Variants in DLG2 observed in about 807,000 individuals in gnomAD.
DLG2 encodes the protein disks large homolog 2.
Under a neutral mutation model 132.5 loss-of-function variants are expected in DLG2, and 45 were observed. That is an observed-to-expected ratio of 0.34 (90% CI 0.27 to 0.44). The LOEUF is 0.44. Among genes scored for constraint, DLG2 ranks in the 20% least tolerant of loss-of-function variants. The pLI, the probability that DLG2 is intolerant of heterozygous loss-of-function variation, is 1.00. For missense variants in DLG2, 1,045 were observed against 1,196.9 expected (o/e 0.87, Z 1.87); for synonymous variants, 424 against 419.6 (o/e 1.01, Z -0.13).
At chr11:83,724,358 C>T (rs1017137281) in intron 18 of DLG2, among the ~76,000 whole-genome samples, 1 of 152,132 alleles carries the variant, frequency 6.6e-6, no homozygotes, top group African/African-American at 2.4e-5. Context: ...GACTTGCATA[C>T]ATTAAATGTC....
chr11:85,104,124 G>T (rs2071315833), intron 6 of DLG2, among the ~76,000 whole-genome samples: 1 of 151,840 alleles, frequency 6.6e-6, no homozygotes, highest in Admixed American at 6.6e-5. Context: ...ATGTAAAATG[G>T]TGCAAATGTT....
intron 17 of DLG2, among the ~76,000 whole-genome samples, chr11:83,793,559 T>C (rs1024823800): frequency 2.6e-5 from 4 of 152,156 alleles, no homozygotes; most frequent in Non-Finnish European, 5.9e-5. Flanking sequence ...TTTTTTTCAG[T>C]GCATTAAGAA....
intron 4 of DLG2, among the ~76,000 whole-genome samples, chr11:85,231,853 C>T (rs114240529): frequency 7.8e-4 from 119 of 151,998 alleles, no homozygotes; most frequent in African/African-American, 2.7e-3. Flanking sequence ...AAAATTCCAA[C>T]GTTACCCAGA....
At chr11:83,630,964 A>C (rs1177209505) in intron 19 of DLG2, among the ~76,000 whole-genome samples, 1 of 152,172 alleles carries the variant, frequency 6.6e-6, no homozygotes, top group Non-Finnish European at 1.5e-5. Context: ...TAATCAGAGA[A>C]ACCCTGCTAG....
chr11:83,960,614 T>C (rs1799875782), intron 14 of DLG2, among the ~76,000 whole-genome samples: 1 of 150,948 alleles, frequency 6.6e-6, no homozygotes, highest in Admixed American at 6.6e-5. Flanking sequence ...GAACAGGCAT[T>C]GGGGAATCCA....
At chr11:83,874,027 T>A (rs1419653908) in intron 16 of DLG2, among the ~76,000 whole-genome samples, 2 of 152,054 alleles carry the variant, frequency 1.3e-5, no homozygotes, top group South Asian at 2.1e-4. Context: ...TTAAATCTAG[T>A]ACCTAGCACA....
intron 6 of DLG2, among the ~76,000 whole-genome samples, chr11:85,060,295 CTAAGTA>C (rs907624619): frequency 3.3e-5 from 5 of 150,568 alleles, no homozygotes; most frequent in African/African-American, 9.7e-5. Flanking sequence ...TTTTTAAAGG[CTAAGTA>C]TATGTATATA....
intron 6 of DLG2, among the ~76,000 whole-genome samples, chr11:84,974,262 T>G (rs1033006807): frequency 2.0e-5 from 3 of 152,216 alleles, no homozygotes; most frequent in Non-Finnish European, 2.9e-5. Context: ...GTTGTTGATC[T>G]TTTCCAGAGG....
chr11:83,461,223 C>T (rs931742876), intron 27 of DLG2, among the ~76,000 whole-genome samples: 8 of 151,866 alleles, frequency 5.3e-5, no homozygotes, highest in Non-Finnish European at 1.5e-5. Flanking sequence ...GTTGGCCAGG[C>T]TGGTCTCGAA....
intron 7 of DLG2, among the ~76,000 whole-genome samples, chr11:84,389,355 T>TTATATG (rs2098783713): frequency 6.6e-6 from 1 of 152,098 alleles, no homozygotes; most frequent in African/African-American, 2.4e-5. Flanking sequence ...CTTCTGTTCT[T>TTATATG]CAGTTAAAAC....
intron 6 of DLG2, among the ~76,000 whole-genome samples, chr11:84,721,979 TA>T (rs1253986550): frequency 6.6e-6 from 1 of 152,216 alleles, no homozygotes; most frequent in Non-Finnish European, 1.5e-5. Context: ...TTATTTGACA[TA>T]TTTTTTTTCT....
At chr11:85,564,254 T>G (rs975638025) in intron 3 of DLG2, among the ~76,000 whole-genome samples, 1 of 152,052 alleles carries the variant, frequency 6.6e-6, no homozygotes, top group East Asian at 1.9e-4. Context: ...GCAGAAGTTT[T>G]TAACTTTGAT....
chr11:85,200,024 CACAACA>C (rs141052604), intron 4 of DLG2, among the ~76,000 whole-genome samples: 1 of 151,744 alleles, frequency 6.6e-6, no homozygotes, highest in Non-Finnish European at 1.5e-5. Context: ...TCATTTCCCC[CACAACA>C]ACAACAAGAA....
At chr11:85,351,046 G>T (rs1288462510) in intron 3 of DLG2, among the ~76,000 whole-genome samples, 1 of 152,180 alleles carries the variant, frequency 6.6e-6, no homozygotes, top group African/African-American at 2.4e-5. Context: ...CATGAGGATG[G>T]AATTTTCTTC....
chr11:84,204,673 T>C (rs1000223663), intron 8 of DLG2, among the ~76,000 whole-genome samples: 12 of 152,188 alleles, frequency 7.9e-5, no homozygotes, highest in African/African-American at 2.7e-4. Context: ...ATAAAAACAC[T>C]CTACAATGCT....
chr11:84,907,749 A>G (rs114501899), intron 6 of DLG2, among the ~76,000 whole-genome samples: 75 of 152,274 alleles, frequency 4.9e-4, no homozygotes, highest in African/African-American at 1.7e-3. Context: ...TCTGCACCCA[A>G]TGACAGAGTT....
intron 6 of DLG2, among the ~76,000 whole-genome samples, chr11:85,005,618 A>G (rs1445848723): frequency 6.6e-6 from 1 of 152,210 alleles, no homozygotes; most frequent in African/African-American, 2.4e-5. Flanking sequence ...TGGCTTAAAG[A>G]GATTTTAGAC....
At chr11:83,641,122 C>G (rs2153480604) in intron 18 of DLG2, among the ~76,000 whole-genome samples, 1 of 152,226 alleles carries the variant, frequency 6.6e-6, no homozygotes, top group East Asian at 1.9e-4. Flanking sequence ...TGAATAAAAG[C>G]ATCTTTTTCT....
intron 6 of DLG2, among the ~76,000 whole-genome samples, chr11:84,785,844 T>C (rs1461154629): frequency 6.6e-6 from 1 of 152,138 alleles, no homozygotes; most frequent in Non-Finnish European, 1.5e-5. Flanking sequence ...CCTTTTATGA[T>C]GACACTCCAT....
Sources: allele counts gnomAD v4.1 joint callset (sites outside exome capture counted in the v4.1 genomes callset), GRCh38; gene constraint gnomAD v4.1.1; transcripts MANE v1.5; gene names NCBI Gene and HGNC (gene_info 2026-07-23, HGNC 2026-07-21).